Variants in GZF1 observed in about 807,000 individuals in gnomAD.
GZF1 encodes the protein GDNF-inducible zinc finger protein 1.
GZF1 carries 28 observed loss-of-function variants against 49.4 expected under a neutral mutation model. The observed-to-expected ratio is 0.57, with a 90% confidence interval of 0.42 to 0.78. GZF1 has a LOEUF of 0.78. Ranked by LOEUF, GZF1 falls within the 30% of genes least tolerant of loss-of-function variation. The probability of loss-of-function intolerance (pLI) is 0.00; values close to 1 mark genes in which losing one functional copy is unlikely to be tolerated. For missense variants in GZF1, 798 were observed against 916.2 expected (o/e 0.87, Z 1.67); for synonymous variants, 364 against 356.0 (o/e 1.02, Z -0.25).
Position 23,365,736 on chromosome 20 carries a change from G to A in GZF1, c.1353G>A (p.Lys451=). The A allele has an allele frequency of 1.3e-6, 2 of 1,541,196 alleles. No homozygotes were observed. Among genetic ancestry groups the A allele is most frequent in the Non-Finnish European group, 1.7e-6 (2 of 1,148,798 alleles). The change falls in exon 2 of 6, where the codon AAG becomes AAA. Residue 451 remains lysine (K), a synonymous_variant. Transcript: ENST00000338121. ...GGTTCTCGCAGCCGTCCGCGCTCAA[G>A]ACGCACATGAGGTACGCGGGGAGCC... ...GARFSQPSAL[K]THMRIHTGEK...
chr20:23,369,644 A>T lies in GZF1; in HGVS notation c.1688A>T (p.Gln563Leu). The change falls in exon 5 of 6, where the codon CAG becomes CTG. Residue 563 changes from glutamine to leucine, a missense_variant. Physicochemically the swap from Gln to Leu is moderately radical, Grantham distance 113. Around this residue, in one of 3 missense-constraint regions of GZF1, gnomAD observed 446 missense variants for 540.1 expected, o/e 0.83. Transcript: ENST00000338121. The stretch of plus-strand genomic sequence containing the variant: ...CAGTTCACCCAGCTCAACGCCCTCC[A>T]GCGCCACCGCCGCATCCACACAGGG... ...GKQFTQLNAL[Q>L]RHRRIHTGER... 4 of 1,613,188 alleles carry T rather than the reference A, an allele frequency of 2.5e-6. No individual in the cohort carries two copies. The highest frequency in any genetic ancestry group is 3.4e-6 in the Non-Finnish European group (4 of 1,179,720).
rs141727593 is a variant in GZF1 at position 23,364,917 on chromosome 20, G to A, written c.534G>A (p.Thr178=). Residue 178 remains threonine (T), a synonymous_variant, in exon 2 of 6, where the codon ACG becomes ACA. Transcript: ENST00000338121. Reference sequence around the variant, plus strand: ...ATGGCCCTCACCCCAGTGGTCTCACGGATTCCTTGGACTACCCAGGAGAGA... The same window carrying A: ...ATGGCCCTCACCCCAGTGGTCTCACAGATTCCTTGGACTACCCAGGAGAGA... ...ATDGPHPSGL[T]DSLDYPGERA... 13 of 1,614,194 alleles carry A rather than the reference G, an allele frequency of 8.1e-6. No homozygotes were observed. Among genetic ancestry groups the A allele is most frequent in the South Asian group, 7.7e-5 (7 of 91,090 alleles).
chr20:23,365,686 T>C lies in GZF1; in HGVS notation c.1303T>C (p.Tyr435His). The part of the protein sequence containing the change: ...HERTHTGDRP[Y>H]GCTECGARFS... ...GCGCACACACACGGGAGACCGGCCC[T>C]ACGGCTGCACCGAGTGCGGCGCCAG... The change falls in exon 2 of 6, where the codon TAC (tyrosine) becomes CAC (histidine). Residue 435 changes from tyrosine (Y) to histidine (H), a missense_variant. Tyr to His is a moderately conservative substitution (Grantham distance 83). This residue lies in a region of GZF1 where 446 missense variants were observed against 540.1 expected (regional missense o/e 0.83). Transcript: ENST00000338121. 4.4e-6 allele frequency: 7 copies of C among 1,589,682 alleles called. No individual in the cohort carries two copies. Among genetic ancestry groups the C allele is most frequent in the Non-Finnish European group, 6.0e-6 (7 of 1,173,082 alleles).
chr20:23,363,209 CTT>C (rs1376582798), intron 1 of GZF1: 3 of 152,280 alleles, frequency 2.0e-5, no homozygotes, highest in Admixed American at 2.0e-4. Flanking sequence ...ATGATGACAA[CTT>C]TTTTTCTAGA....
intron 4 of GZF1, among the ~76,000 whole-genome samples, 186 bp downstream of exon 4, chr20:23,369,115 T>G (rs1387535253): frequency 6.6e-6 from 1 of 152,216 alleles, no homozygotes; most frequent in Admixed American, 6.5e-5. Context: ...GTGGGAGCAC[T>G]TATGTGTGTA....
In GZF1 at chr20:23,370,608, T is replaced by A; in HGVS notation, c.*167T>A. The A allele has an allele frequency of 1.7e-6, 1 of 601,292 alleles. No homozygotes were observed. Among genetic ancestry groups the A allele is most frequent in the South Asian group, 2.1e-5 (1 of 47,656 alleles). The allele number at this position is 601,292 out of a possible 1,614,324, so 37.2% of individuals were successfully genotyped here. On this transcript the variant is annotated 3_prime_UTR_variant, in exon 6 of 6. Transcript: ENST00000338121. ...CTTGCACGGCTTTATCACAGCATTT[T>A]TAAAGCTTTCCCTCAAAAATCCTGA...
rs141101185 is a variant in GZF1 at position 23,365,272 on chromosome 20, C to T, written c.889C>T (p.Pro297Ser). ...ELEELSKKAG[P>S]EEEEEEEEED... The stretch of plus-strand genomic sequence containing the variant: ...GGAGGAATTGTCAAAGAAAGCAGGG[C>T]CGGAGGAGGAAGAGGAGGAGGAGGA... Residue 297 changes from proline to serine, a missense_variant, in exon 2 of 6, where the codon CCG becomes TCG. This residue lies in a region of GZF1 where 247 missense variants were observed against 228.5 expected (regional missense o/e 1.08). Transcript: ENST00000338121. The T allele has an allele frequency of 1.7e-4, 270 of 1,605,912 alleles. No homozygotes were observed. The highest frequency in any genetic ancestry group is 2.2e-4 in the Non-Finnish European group (261 of 1,175,624).
chr20:23,368,856 C>T lies in GZF1; in HGVS notation c.1554C>T (p.Pro518=), dbSNP rs1981719235. 1 of 1,613,876 alleles carries T rather than the reference C, an allele frequency of 6.2e-7. No individual in the cohort carries two copies. Among genetic ancestry groups the T allele is most frequent in the Admixed American group, 1.7e-5 (1 of 60,000 alleles). ...ATAGAATCCATACTGGATCCAAACC[C>T]TTTAAATGTGAAGTATGTTTCAGGA... ...HHNRIHTGSK[P]FKCEVCFRTF... Residue 518 remains proline, a synonymous_variant, in exon 4 of 6, where the codon CCC becomes CCT. Transcript: ENST00000338121.
In GZF1 at chr20:23,368,828, A is replaced by G; in HGVS notation, c.1526A>G (p.His509Arg). Residue 509 changes from histidine (H) to arginine (R), a missense_variant, in exon 4 of 6, where the codon CAC becomes CGC. His to Arg is a conservative substitution (Grantham distance 29). This residue lies in a region of GZF1 where 446 missense variants were observed against 540.1 expected (regional missense o/e 0.83). Transcript: ENST00000338121. ...GCTTCTAAGGAGTACTTAAAACACC[A>G]CAATAGAATCCATACTGGATCCAAA... ...SFASKEYLKHHNRIHTGSKPF... is the reference protein window; with the variant it reads ...SFASKEYLKHRNRIHTGSKPF... The G allele has an allele frequency of 6.2e-7, 1 of 1,613,992 alleles. No individual in the cohort carries two copies.
rs755539546 is a variant in GZF1, at chr20:23,365,738, C to T, written c.1355C>T (p.Thr452Met). Reference sequence around the variant, plus strand: ...TTCTCGCAGCCGTCCGCGCTCAAGACGCACATGAGGTACGCGGGGAGCCGT... The same window carrying T: ...TTCTCGCAGCCGTCCGCGCTCAAGATGCACATGAGGTACGCGGGGAGCCGT... ...ARFSQPSALK[T>M]HMRIHTGEKP... The change falls in exon 2 of 6, where the codon ACG (threonine) becomes ATG (methionine). Residue 452 changes from threonine to methionine, a missense_variant. By Grantham distance (81) the Thr-to-Met change is moderately conservative (BLOSUM62 -1). Around this residue, in one of 3 missense-constraint regions of GZF1, gnomAD observed 446 missense variants for 540.1 expected, o/e 0.83. Transcript: ENST00000338121. The T allele has an allele frequency of 1.9e-6, 3 of 1,539,942 alleles. No individual in the cohort carries two copies. The highest frequency in any genetic ancestry group is 2.6e-6 in the Non-Finnish European group (3 of 1,148,136).
intron 4 of GZF1, 106 bp from the exon 5 acceptor site, chr20:23,369,478 G>C: frequency 1.0e-6 from 1 of 999,020 alleles, no homozygotes; most frequent in Admixed American, 2.5e-5. Context: ...TGGATGCTGA[G>C]GCTTCCCAGT....
chr20:23,364,318 T>G lies in GZF1; in HGVS notation c.-21-45T>G, dbSNP rs191575555. The G allele has an allele frequency of 9.5e-6, 11 of 1,158,102 alleles. No homozygotes were observed. The East Asian group carries it at 2.1e-4, about 22-fold the overall frequency. The allele number at this position is 1,158,102 out of a possible 1,614,324, so 71.7% of individuals were successfully genotyped here. ...GAATCCTCATAAATTTTAGTCCTTT[T>G]GCATCAGTGGTTGCTCATGCATAAT... is the stretch of plus-strand genomic sequence containing the variant. On this transcript the variant is annotated intron_variant, in intron 1 of 5. Transcript: ENST00000338121.
At chr20:23,363,521 C>CT (rs1452512540) in intron 1 of GZF1, among the ~76,000 whole-genome samples, 2 of 152,028 alleles carry the variant, frequency 1.3e-5, no homozygotes, top group African/African-American at 2.4e-5. Flanking sequence ...GTTGAGTAGT[C>CT]TGAGTTGAAT....
Position 23,365,053 on chromosome 20 carries a change from G to A in GZF1, c.670G>A (p.Gly224Arg). 2 of 1,614,106 alleles carry A rather than the reference G, an allele frequency of 1.2e-6. No homozygotes were observed. The change falls in exon 2 of 6, where the codon GGA (glycine) becomes AGA (arginine). Residue 224 changes from glycine (G) to arginine (R), a missense_variant. Gly to Arg is a moderately radical substitution (Grantham distance 125, BLOSUM62 -2). Around this residue, in one of 3 missense-constraint regions of GZF1, gnomAD observed 247 missense variants for 228.5 expected, o/e 1.08. Coordinates refer to ENST00000338121, the MANE Select transcript of GZF1 (RefSeq NM_022482.5). Reference protein sequence around the residue: ...PPYPKIRRASGRLAGRKVFVE... With the variant: ...PPYPKIRRASRRLAGRKVFVE... ...CTACCCTAAAATCAGGAGAGCTAGT[G>A]GAAGGCTGGCTGGGAGGAAGGTCTT...
Position 23,369,753 on chromosome 20 carries a change from G to A in GZF1, c.1785+12G>A, listed in dbSNP as rs1981852037. 5 of 1,599,020 alleles carry A rather than the reference G, an allele frequency of 3.1e-6. No individual in the cohort carries two copies. Among genetic ancestry groups the A allele is most frequent in the Non-Finnish European group, 4.3e-6 (5 of 1,171,816 alleles). ...GGCGGCACACCTCAGTAAGCAGTGG[G>A]TTGGCTTATTTGAGAAACAAGCTGC... On this transcript the variant is annotated intron_variant, in intron 5 of 5. Coordinates refer to ENST00000338121, the MANE Select transcript of GZF1 (RefSeq NM_022482.5).
chr20:23,366,065 T>C (rs867414823), intron 2 of GZF1, among the ~76,000 whole-genome samples: 5 of 152,214 alleles, frequency 3.3e-5, no homozygotes, highest in Non-Finnish European at 5.9e-5. Context: ...TTCCTGACTC[T>C]TCGTTTAGAT....
rs1982189329 is a variant in GZF1 at position 23,372,655 on chromosome 20, C to T, written c.*2214C>T. On this transcript the variant is annotated 3_prime_UTR_variant, in exon 6 of 6. Coordinates refer to ENST00000338121, the MANE Select transcript of GZF1 (RefSeq NM_022482.5). ...CAGAGGACCTCCTGGAGCATCTGCC[C>T]CATTCCTCCAAGTCCAAGCACAGCC... is the stretch of plus-strand genomic sequence containing the variant. The T allele has an allele frequency of 6.6e-6, 1 of 152,250 alleles. No homozygotes were observed. The allele number at this position is 152,250 out of a possible 1,614,324, so 9.4% of individuals were successfully genotyped here. A position where few individuals can be genotyped will look rare whatever the true frequency, so the allele number is the denominator to read the frequency against.
chr20:23,368,880 G>A lies in GZF1; in HGVS notation c.1578G>A (p.Arg526=), dbSNP rs201599158. 2 of 1,613,946 alleles carry A rather than the reference G, an allele frequency of 1.2e-6. No individual in the cohort carries two copies. Among genetic ancestry groups the A allele is most frequent in the Admixed American group, 1.7e-5 (1 of 59,996 alleles). ...CCTTTAAATGTGAAGTATGTTTCAG[G>A]ACTTTTGCCCAGCGGAATTCACTGT... The part of the protein sequence containing the change: ...SKPFKCEVCF[R]TFAQRNSLYQ... Residue 526 remains arginine (R), a synonymous_variant, in exon 4 of 6, where the codon AGG becomes AGA. Coordinates refer to ENST00000338121, the MANE Select transcript of GZF1 (RefSeq NM_022482.5).
chr20:23,364,881 T>G lies in GZF1; in HGVS notation c.498T>G (p.Ser166Arg), dbSNP rs777498440. 1 of 1,614,178 alleles carries G rather than the reference T, an allele frequency of 6.2e-7. No individual in the cohort carries two copies. The highest frequency in any genetic ancestry group is 1.7e-5 in the Admixed American group (1 of 60,030). Residue 166 changes from serine to arginine, a missense_variant, in exon 2 of 6, where the codon AGT becomes AGG. Physicochemically the swap from Ser to Arg is moderately radical, Grantham distance 110 (BLOSUM62 -1). Coordinates refer to ENST00000338121, the MANE Select transcript of GZF1 (RefSeq NM_022482.5). ...QVSAAPAPRA[S>R]VATDGPHPSG... ...GTGCTGCTCCTGCCCCCAGGGCAAG[T>G]GTGGCCACCGATGGCCCTCACCCCA...
Sources: gnomAD v4.1 joint callset for allele counts (sites outside exome capture counted in the v4.1 genomes callset) on GRCh38, gnomAD v4.1.1 for gene constraint, gnomAD v4.1.1 regional missense constraint, MANE v1.5 for transcripts, NCBI Gene and HGNC (gene_info 2026-07-23, HGNC 2026-07-21) for gene names.